PDE1C: variants seen among roughly 807,000 people sequenced by gnomAD.
PDE1C encodes dual specificity calcium/calmodulin-dependent 3',5'-cyclic nucleotide phosphodiesterase 1C.
PDE1C carries 62 observed loss-of-function variants against 93.1 expected under a neutral mutation model. The observed-to-expected ratio is 0.67, with a 90% CI of 0.54 to 0.82. The LOEUF (loss-of-function observed/expected upper bound fraction) is 0.82, where lower values mean the gene tolerates loss of function less well. PDE1C is among the 40% of genes least tolerant of loss of function. The probability of loss-of-function intolerance (pLI) is 0.00; values close to 1 mark genes in which losing one functional copy is unlikely to be tolerated. For synonymous variants in PDE1C, 325 were observed against 310.1 expected (o/e 1.05, Z -0.50); for missense variants, 742 against 884.6 (o/e 0.84, Z 2.04).
chr7:32,070,888 AC>A (rs1274030337), upstream of PDE1C: 1 of 985,386 alleles, frequency 1.0e-6, no homozygotes, highest in East Asian at 1.1e-4. Context: ...CCTGACCCGG[AC>A]GCCGCGCACC....
intron 6 of PDE1C, among the ~76,000 whole-genome samples, chr7:31,867,780 G>C (rs1795477921): frequency 6.6e-6 from 1 of 152,054 alleles, no homozygotes; most frequent in African/African-American, 2.4e-5. Context: ...GAACTCCCTG[G>C]GGCCCAAGGC....
In PDE1C at chr7:32,147,316, GAAAGAA is replaced by G. The variant is rs1563352958; in HGVS notation, c.308+22463_308+22468del. 9.3e-4 allele frequency among the ~76,000 whole-genome samples: 131 copies of G among 141,176 alleles called. 2 individuals carry two copies. Among genetic ancestry groups the G allele is most frequent in the African/African-American group, 3.6e-3 (125 of 34,432 alleles). The allele number at this position is 141,176 out of a possible 152,430, so 92.6% of individuals were successfully genotyped here. On this transcript the variant is annotated intron_variant, in intron 3 of 18. Coordinates refer to the PDE1C transcript ENST00000396193. Reference sequence around the variant, plus strand: ...AGAAAGAAAGAAAGAAAGAAAGAAAGAAAGAAAGAAAGAAAGACGCTGTTTGTAGGT... The same window carrying G: ...AGAAAGAAAGAAAGAAAGAAAGAAAGAGAAAGAAAGACGCTGTTTGTAGGT...
intron 2 of PDE1C, among the ~76,000 whole-genome samples, chr7:32,046,662 A>T (rs1003445441): frequency 3.9e-5 from 6 of 152,162 alleles, no homozygotes; most frequent in African/African-American, 1.4e-4. Context: ...TGTGCATGTG[A>T]CTATCAGTAT....
intron 3 of PDE1C, among the ~76,000 whole-genome samples, chr7:32,141,316 C>G (rs1040558218): frequency 3.3e-5 from 5 of 152,162 alleles, no homozygotes; most frequent in Admixed American, 2.0e-4. Flanking sequence ...GCACCCCAGC[C>G]TGGACAACAT....
At chr7:32,142,477 C>G (rs945753798) in intron 3 of PDE1C, among the ~76,000 whole-genome samples, 1 of 152,082 alleles carries the variant, frequency 6.6e-6, no homozygotes, top group African/African-American at 2.4e-5. Context: ...AGTGACTGGC[C>G]AGACACTCAC....
chr7:31,722,097 C>T, the PDE1C span, among the ~76,000 whole-genome samples: 1 of 152,074 alleles, frequency 6.6e-6, no homozygotes, highest in African/African-American at 2.4e-5. Flanking sequence ...GCTCCATGTT[C>T]GACTCCCTTC....
chr7:31,849,946 AGTTT>A (rs1392897670), intron 8 of PDE1C, among the ~76,000 whole-genome samples: 1 of 152,144 alleles, frequency 6.6e-6, no homozygotes, highest in Non-Finnish European at 1.5e-5. Context: ...ATAAACCCAC[AGTTT>A]AGTAAGAAAA....
At chr7:31,918,132 AT>A (rs1012152303) in intron 2 of PDE1C, among the ~76,000 whole-genome samples, 14 of 152,084 alleles carry the variant, frequency 9.2e-5, no homozygotes, top group Non-Finnish European at 1.6e-4. Context: ...GTAGCTACCA[AT>A]TTTTTTAACA....
intron 1 of PDE1C, among the ~76,000 whole-genome samples, chr7:32,260,252 T>C (rs1810101988): frequency 2.0e-5 from 3 of 152,204 alleles, no homozygotes; most frequent in Admixed American, 1.3e-4. Flanking sequence ...CAAAAGTCAA[T>C]GAGCAAATCA....
At chr7:32,155,800 A>G (rs1801535331) in intron 3 of PDE1C, among the ~76,000 whole-genome samples, 1 of 152,222 alleles carries the variant, frequency 6.6e-6, no homozygotes, top group South Asian at 2.1e-4. Flanking sequence ...GGTGTGCTCA[A>G]GGTCAGACAG....
chr7:31,805,718 A>G (rs1786735646), intron 16 of PDE1C, among the ~76,000 whole-genome samples: 1 of 150,134 alleles, frequency 6.7e-6, no homozygotes, highest in South Asian at 2.1e-4. Context: ...TCTTCTCTCC[A>G]GTATTTTTCC....
intron 2 of PDE1C, among the ~76,000 whole-genome samples, chr7:31,895,267 G>C (rs922915769): frequency 2.6e-5 from 4 of 152,158 alleles, no homozygotes; most frequent in African/African-American, 4.8e-5. Flanking sequence ...GCTACAGCCA[G>C]ACCTCAGCTG....
At chr7:32,227,232 A>C (rs1251885894) in intron 1 of PDE1C, among the ~76,000 whole-genome samples, 1 of 152,128 alleles carries the variant, frequency 6.6e-6, no homozygotes, top group Admixed American at 6.5e-5. Context: ...AAGCTGCTCC[A>C]AAATAATACC....
chr7:31,823,264 A>G lies in PDE1C; in HGVS notation c.1407-16T>C, dbSNP rs1402346526. 1 of 1,600,170 alleles carries G rather than the reference A, an allele frequency of 6.2e-7. No homozygotes were observed. Among genetic ancestry groups the G allele is most frequent in the Non-Finnish European group, 8.5e-7 (1 of 1,174,354 alleles). ...GCTATTCAAACTGGAAAACAAAAAAATCATACCAAAGAAGAGAGTTAGTGT... is the reference window on the plus strand; with the variant it reads ...GCTATTCAAACTGGAAAACAAAAAAGTCATACCAAAGAAGAGAGTTAGTGT... On this transcript the variant is annotated splice_polypyrimidine_tract_variant and intron_variant, in intron 13 of 17. Transcript: ENST00000396191.
At chr7:31,859,331 T>A (rs1014985370) in intron 7 of PDE1C, among the ~76,000 whole-genome samples, 6 of 149,574 alleles carry the variant, frequency 4.0e-5, no homozygotes, top group South Asian at 2.1e-4. Flanking sequence ...TTATCCTATT[T>A]GTTTCAATAA....
At chr7:32,029,602 A>G (rs548668616) in intron 2 of PDE1C, among the ~76,000 whole-genome samples, 3 of 152,100 alleles carry the variant, frequency 2.0e-5, no homozygotes, top group Non-Finnish European at 2.9e-5. Context: ...GGCAGAGAGG[A>G]AAGAAAGAAG....
rs555577593 is a variant in PDE1C at position 31,828,356 on chromosome 7, C to G, written c.1221G>C (p.Glu407Asp). 1.2e-6 allele frequency: 2 copies of G among 1,612,424 alleles called. No homozygotes were observed. The highest frequency in any genetic ancestry group is 1.7e-6 in the Non-Finnish European group (2 of 1,178,820). Residue 407 changes from glutamate (E) to aspartate (D), a missense_variant, in exon 12 of 18, where the codon GAG (glutamate) becomes GAC (aspartate). Transcript: ENST00000396191. ...EFFRQGDREA[E>D]LGLPFSPLCD... ...ACAGAGGAGAAAAAGGCAGCCCCAGCTCTGCTTCTCTGTCACCCTGGAAAA... is the reference window on the plus strand; with the variant it reads ...ACAGAGGAGAAAAAGGCAGCCCCAGGTCTGCTTCTCTGTCACCCTGGAAAA...
intron 2 of PDE1C, among the ~76,000 whole-genome samples, chr7:32,012,909 C>T (rs1487547217): frequency 1.3e-5 from 2 of 152,188 alleles, no homozygotes; most frequent in African/African-American, 4.8e-5. Context: ...TCATAACATA[C>T]ATTTCACAGG....
intron 1 of PDE1C, among the ~76,000 whole-genome samples, chr7:32,282,478 A>AG (rs1811707399): frequency 3.3e-5 from 5 of 151,006 alleles, no homozygotes; most frequent in Non-Finnish European, 7.4e-5. Context: ...AACTCCATCA[A>AG]AAAAAAAATA....
Sources: allele counts gnomAD v4.1 joint callset (sites outside exome capture counted in the v4.1 genomes callset), GRCh38; gene constraint gnomAD v4.1.1; transcripts MANE v1.5; gene names NCBI Gene and HGNC (gene_info 2026-07-23, HGNC 2026-07-21).